Variants in ADGB observed in about 807,000 individuals in gnomAD.
ADGB encodes calpain-7-like protein.
ADGB carries 172 observed loss-of-function variants against 210.5 expected under a neutral mutation model. That is an observed-to-expected ratio of 0.82 (90% CI 0.72 to 0.93). The LOEUF (loss-of-function observed/expected upper bound fraction) is 0.93. ADGB is among the 40% of genes least tolerant of loss of function. The probability of loss-of-function intolerance (pLI) is 0.00; values close to 1 mark genes in which losing one functional copy is unlikely to be tolerated. For synonymous variants in ADGB, 658 were observed against 662.7 expected, an observed-to-expected ratio of 0.99 and a Z score of 0.11; for missense variants, 2,025 against 1,964.8, an observed-to-expected ratio of 1.03 and a Z score of -0.58.
At chr6:146,734,726 A>T (rs115024824) in intron 22 of ADGB, among the ~76,000 whole-genome samples, 668 of 152,248 alleles carry the variant, frequency 4.4e-3, no homozygotes, top group African/African-American at 0.015. Flanking sequence ...CCTGGGCAAC[A>T]TGGGGAAACC....
intron 17 of ADGB, among the ~76,000 whole-genome samples, chr6:146,721,730 C>T (rs1483124452): frequency 6.6e-6 from 1 of 152,090 alleles, no homozygotes; most frequent in Non-Finnish European, 1.5e-5. Context: ...CCCAGCTACT[C>T]AGGAGGCTGA....
At chr6:146,745,848 C>A in intron 25 of ADGB, 74 bp from the exon 26 acceptor site, 2 of 1,110,390 alleles carry the variant, frequency 1.8e-6, no homozygotes, top group African/African-American at 1.6e-5. Flanking sequence ...AGACATTTAG[C>A]ACTATTAGAT....
At chr6:146,612,393 T>C (rs1292297000) in intron 1 of ADGB, among the ~76,000 whole-genome samples, 1 of 152,236 alleles carries the variant, frequency 6.6e-6, no homozygotes, top group Non-Finnish European at 1.5e-5. Flanking sequence ...CTCTCCCAGC[T>C]GTATACACAC....
chr6:146,775,356 G>A (rs1294696868), intron 29 of ADGB, among the ~76,000 whole-genome samples: 1 of 151,970 alleles, frequency 6.6e-6, no homozygotes, highest in East Asian at 1.9e-4. Context: ...TATTATAAAT[G>A]TTTAGAAACC....
intron 19 of ADGB, 88 bp downstream of exon 19, chr6:146,726,285 G>C (rs1776894100): frequency 1.1e-6 from 1 of 875,984 alleles, no homozygotes; most frequent in Non-Finnish European, 1.8e-6. Flanking sequence ...GCAGTGGCAT[G>C]ATCTTGGCTC....
At chr6:146,621,269 A>G (rs896495855) in intron 1 of ADGB, among the ~76,000 whole-genome samples, 4 of 152,094 alleles carry the variant, frequency 2.6e-5, no homozygotes, top group African/African-American at 9.7e-5. Context: ...TGTGGCACAT[A>G]AAAGAGACTG....
At chr6:146,650,444 A>T (rs1393591965) in intron 3 of ADGB, among the ~76,000 whole-genome samples, 1 of 151,754 alleles carries the variant, frequency 6.6e-6, no homozygotes, top group Non-Finnish European at 1.5e-5. Context: ...GACTTTTTTT[A>T]TTGGAATTTG....
intron 35 of ADGB, among the ~76,000 whole-genome samples, chr6:146,812,455 G>A (rs1173891947): frequency 6.6e-6 from 1 of 152,240 alleles, no homozygotes; most frequent in Non-Finnish European, 1.5e-5. Context: ...TCTTTAAAGG[G>A]GGGAAGGCAT....
intron 1 of ADGB, among the ~76,000 whole-genome samples, chr6:146,605,712 A>C (rs1396663341): frequency 6.6e-6 from 1 of 152,146 alleles, no homozygotes; most frequent in East Asian, 1.9e-4. Flanking sequence ...TGGACATTTT[A>C]TGAATGTCAG....
intron 11 of ADGB, 100 bp from the exon 12 acceptor site, chr6:146,692,725 T>C (rs1776347660): frequency 3.8e-6 from 2 of 524,778 alleles, no homozygotes; most frequent in African/African-American, 3.9e-5. Context: ...GCTGAGTAAA[T>C]AGTTAATCTA....
intron 35 of ADGB, among the ~76,000 whole-genome samples, chr6:146,809,847 T>C (rs376075629): frequency 1.3e-5 from 2 of 152,310 alleles, no homozygotes; most frequent in South Asian, 2.1e-4. Flanking sequence ...TTGGAACTCA[T>C]AAAATGCTTA....
intron 33 of ADGB, among the ~76,000 whole-genome samples, chr6:146,793,178 G>T (rs259397): frequency 0.66 from 100,051 of 152,072 alleles, 33,635 homozygotes; most frequent in African/African-American, 0.79. Context: ...CTCCTGATGA[G>T]TGGCGCATTT....
At chr6:146,746,555 A>G (rs756574766) in intron 26 of ADGB, among the ~76,000 whole-genome samples, 7 of 152,046 alleles carry the variant, frequency 4.6e-5, no homozygotes, top group Non-Finnish European at 8.8e-5. Context: ...TCCAGCCCTC[A>G]TTATCTTCAG....
intron 3 of ADGB, among the ~76,000 whole-genome samples, chr6:146,646,110 GT>G (rs896779416): frequency 4.5e-4 from 68 of 152,186 alleles, no homozygotes; most frequent in African/African-American, 1.5e-3. Flanking sequence ...AAGTAAAAAA[GT>G]TTTTTCCCTG....
chr6:146,669,718 GT>G (rs1446117064), intron 7 of ADGB, among the ~76,000 whole-genome samples: 1 of 152,086 alleles, frequency 6.6e-6, no homozygotes, highest in African/African-American at 2.4e-5. Context: ...CAGGGCTCCT[GT>G]CCTGTAACTT....
chr6:146,799,494 A>G (rs1484294965), intron 33 of ADGB, among the ~76,000 whole-genome samples: 1 of 146,876 alleles, frequency 6.8e-6, no homozygotes, highest in Non-Finnish European at 1.5e-5. Flanking sequence ...AGATCGCGCC[A>G]CTGCACTCCA....
In ADGB at chr6:146,736,440, A is replaced by C. The variant is rs986646930; in HGVS notation, c.2795-58A>C. Reference sequence around the variant, plus strand: ...TTTGTGAAAATGAAGGCTTTGGACAAGATGATCTTTCAGGCATCTTAAAGC... The same window carrying C: ...TTTGTGAAAATGAAGGCTTTGGACACGATGATCTTTCAGGCATCTTAAAGC... On this transcript the variant is annotated intron_variant, in intron 22 of 35. Coordinates refer to ENST00000397944, the MANE Select transcript of ADGB (RefSeq NM_024694.4). 5 of 1,124,902 alleles carry C rather than the reference A, an allele frequency of 4.4e-6. No individual in the cohort carries two copies. In the Admixed American group the frequency reaches 1.1e-4, roughly 24 times the overall value. 69.7% of individuals were successfully genotyped at this position (1,124,902 alleles called of 1,614,324 possible).
intron 1 of ADGB, among the ~76,000 whole-genome samples, chr6:146,625,120 T>C (rs1780953918): frequency 6.6e-6 from 1 of 152,046 alleles, no homozygotes; most frequent in Non-Finnish European, 1.5e-5. Flanking sequence ...TCTATAGCCT[T>C]ATTGATTTTT....
intron 8 of ADGB, among the ~76,000 whole-genome samples, chr6:146,675,335 T>C (rs1776070679): frequency 6.6e-6 from 1 of 151,990 alleles, no homozygotes; most frequent in African/African-American, 2.4e-5. Flanking sequence ...ATTAGCAAGT[T>C]GTGGTGGTGC....
Sources: gnomAD v4.1 joint callset for allele counts (sites outside exome capture counted in the v4.1 genomes callset) on GRCh38, gnomAD v4.1.1 for gene constraint, MANE v1.5 for transcripts, NCBI Gene and HGNC (gene_info 2026-07-23, HGNC 2026-07-21) for gene names.